Variants in ASRGL1 observed in about 807,000 individuals in gnomAD.
The protein encoded by ASRGL1 is asparaginase and isoaspartyl peptidase 1, also known as isoaspartyl peptidase/L-asparaginase.
In ASRGL1, 16 loss-of-function variants were observed where a neutral mutation model predicts 22.4. The ratio of observed to expected loss-of-function variants is 0.71; its 90% CI spans 0.48 to 1.08. The LOEUF (loss-of-function observed/expected upper bound fraction) is 1.08, where lower values mean the gene tolerates loss of function less well. Among genes scored for constraint, ASRGL1 ranks in the 50% least tolerant of loss-of-function variants. ASRGL1 has a pLI of 0.00. For synonymous variants in ASRGL1, 165 were observed against 159.3 expected (o/e 1.04, Z -0.27); for missense variants, 412 against 410.1 (o/e 1.00, Z -0.04).
intron 4 of ASRGL1, among the ~76,000 whole-genome samples, chr11:62,364,153 C>G (rs376628731): frequency 1.4e-5 from 1 of 69,228 alleles, no homozygotes; most frequent in African/African-American, 5.0e-5. Flanking sequence ...GGTAAGAGTC[C>G]GTCTCAAAAA....
intron 4 of ASRGL1, among the ~76,000 whole-genome samples, chr11:62,363,732 C>T (rs542169497): frequency 6.6e-6 from 1 of 152,176 alleles, no homozygotes; most frequent in South Asian, 2.1e-4. Flanking sequence ...GTTGGTAATT[C>T]CAGTTGCTGC....
rs561446390 is a variant in ASRGL1, at chr11:62,393,052, A to G, written c.*768A>G. 1.4e-4 allele frequency: 22 copies of G among 152,256 alleles called. No individual in the cohort carries two copies. The highest frequency in any genetic ancestry group is 4.6e-4 in the African/African-American group (19 of 41,506). 9.4% of individuals were successfully genotyped at this position (152,256 alleles called of 1,614,324 possible). On this transcript the variant is annotated 3_prime_UTR_variant, in exon 7 of 7. Transcript: ENST00000415229. ...GAGCCAGCCTCCACCTGCCAAAGAC[A>G]CTCTGGTCCTCGTATAGTGAGTAAT...
chr11:62,346,711 T>G (rs1487623043), intron 2 of ASRGL1, among the ~76,000 whole-genome samples: 1 of 152,190 alleles, frequency 6.6e-6, no homozygotes, highest in Non-Finnish European at 1.5e-5. Flanking sequence ...GACTCACACC[T>G]GTAATCCCAG....
chr11:62,361,481 A>AT (rs35345092), intron 4 of ASRGL1, among the ~76,000 whole-genome samples: 10,199 of 101,412 alleles, frequency 0.1, 694 homozygotes, highest in Non-Finnish European at 0.14. Context: ...AACCTGGCCA[A>AT]TTTTTTTTTT....
At chr11:62,396,925 C>T (rs527382862), downstream of ASRGL1, among the ~76,000 whole-genome samples, 14 of 152,306 alleles carry the variant, frequency 9.2e-5, no homozygotes, top group African/African-American at 3.4e-4. Flanking sequence ...GTCTTCCTGT[C>T]CTATCTCTGT....
At chr11:62,352,866 T>G (rs1204717718) in intron 2 of ASRGL1, among the ~76,000 whole-genome samples, 1 of 152,184 alleles carries the variant, frequency 6.6e-6, no homozygotes, top group African/African-American at 2.4e-5. Flanking sequence ...TTTTTGTCTT[T>G]AGTTTGCGGT....
At chr11:62,394,073 ATATAT>A (rs1481700089), downstream of ASRGL1, among the ~76,000 whole-genome samples, 6 of 143,420 alleles carry the variant, frequency 4.2e-5, no homozygotes, top group Admixed American at 4.4e-4. Flanking sequence ...TATATTTATT[ATATAT>A]TATAATTTAT....
intron 5 of ASRGL1, among the ~76,000 whole-genome samples, chr11:62,389,996 C>A (rs1052242455): frequency 2.0e-5 from 3 of 152,188 alleles, no homozygotes; most frequent in African/African-American, 4.8e-5. Flanking sequence ...ATTCTTGATA[C>A]CCTTTTTCTG....
chr11:62,381,898 C>A, intron 4 of ASRGL1: 1 of 152,970 alleles, frequency 6.5e-6, no homozygotes, highest in South Asian at 1.8e-4. Flanking sequence ...TCACCTTCAC[C>A]CTAGAGAAAA....
intron 5 of ASRGL1, 162 bp downstream of exon 5, chr11:62,389,413 T>G (rs756609102): frequency 8.0e-6 from 6 of 746,662 alleles, no homozygotes; most frequent in East Asian, 5.4e-5. Context: ...GAAGGGGTTG[T>G]TCGGGGTGCT....
chr11:62,372,766 C>T (rs1946807769), intron 4 of ASRGL1: 9 of 1,558,818 alleles, frequency 5.8e-6, no homozygotes, highest in Non-Finnish European at 8.0e-6. Context: ...CATGGGGCTT[C>T]CCAGATCTAT....
At chr11:62,377,080 A>G (rs1043281338) in intron 4 of ASRGL1, among the ~76,000 whole-genome samples, 1 of 152,152 alleles carries the variant, frequency 6.6e-6, no homozygotes, top group African/African-American at 2.4e-5. Context: ...ATGTTGTACA[A>G]TATTTTTTGC....
At chr11:62,341,654 A>G (rs1945865961) in intron 2 of ASRGL1, among the ~76,000 whole-genome samples, 1 of 152,246 alleles carries the variant, frequency 6.6e-6, no homozygotes, top group South Asian at 2.1e-4. Flanking sequence ...TTTAGAATCT[A>G]CTAGCCTAAT....
chr11:62,385,747 C>G (rs972779215), intron 4 of ASRGL1, among the ~76,000 whole-genome samples: 1 of 151,932 alleles, frequency 6.6e-6, no homozygotes, highest in African/African-American at 2.4e-5. Context: ...GCCTGTAATC[C>G]CAGCTACTTG....
At chr11:62,343,081 T>A (rs565230747) in intron 2 of ASRGL1, among the ~76,000 whole-genome samples, 4 of 152,118 alleles carry the variant, frequency 2.6e-5, no homozygotes, top group African/African-American at 9.6e-5. Context: ...GAATTTAACT[T>A]CAGTAGAAAC....
chr11:62,345,773 AC>A (rs1565152994), intron 2 of ASRGL1, among the ~76,000 whole-genome samples: 2 of 152,200 alleles, frequency 1.3e-5, no homozygotes, highest in South Asian at 4.1e-4. Context: ...CCTTTTTGGC[AC>A]CAGGGACCAG....
At chr11:62,370,287 G>A (rs1020753935) in intron 4 of ASRGL1, among the ~76,000 whole-genome samples, 9 of 152,078 alleles carry the variant, frequency 5.9e-5, no homozygotes, top group Admixed American at 2.0e-4. Context: ...TGCAGTTTTC[G>A]CAGGTTATAG....
chr11:62,371,425 C>G, intron 4 of ASRGL1: 1 of 577,064 alleles, frequency 1.7e-6, no homozygotes, highest in Non-Finnish European at 3.0e-6. Context: ...GCACGTCAAA[C>G]TTGAGACGTG....
At chr11:62,357,249 G>GTT in intron 4 of ASRGL1, 105 bp downstream of exon 4, 1 of 1,158,316 alleles carries the variant, frequency 8.6e-7, no homozygotes, top group Non-Finnish European at 1.2e-6. Context: ...GTTTTGTTTT[G>GTT]TTTTGTTTTG....
Sources: allele counts gnomAD v4.1 joint callset (sites outside exome capture counted in the v4.1 genomes callset), GRCh38; gene constraint gnomAD v4.1.1; transcripts MANE v1.5; gene names NCBI Gene and HGNC (gene_info 2026-07-23, HGNC 2026-07-21).